Variants in SUCLA2 observed in about 807,000 individuals in gnomAD.
SUCLA2 encodes succinate--CoA ligase [ADP-forming] subunit beta, mitochondrial.
In SUCLA2, 30 loss-of-function variants were observed where a neutral mutation model predicts 54.8. That is an observed-to-expected ratio of 0.55 (90% confidence interval 0.41 to 0.74). The LOEUF (loss-of-function observed/expected upper bound fraction) is 0.74, where lower values mean the gene tolerates loss of function less well. Ranked by LOEUF, SUCLA2 falls within the 30% of genes least tolerant of loss-of-function variation. SUCLA2 has a pLI of 0.00. For missense variants in SUCLA2, 476 were observed against 562.9 expected (o/e 0.85, Z 1.56); for synonymous variants, 172 against 188.9 (o/e 0.91, Z 0.74).
rs1950229321 is a variant in SUCLA2 at position 48,001,229 on chromosome 13, G to A, written c.41C>T (p.Ala14Val). The change falls in exon 1 of 11, where the codon GCC (alanine) becomes GTC (valine). Residue 14 changes from alanine to valine, a missense_variant. This residue lies in a region of SUCLA2 where 134 missense variants were observed against 118.7 expected (regional missense o/e 1.13). Transcript: ENST00000646932. ...CCGAGGCCGGTGGTTCCGAAGGGTGGCCACGGCCACTAGCCTGCCGTAGAA... is the reference window on the plus strand; with the variant it reads ...CCGAGGCCGGTGGTTCCGAAGGGTGACCACGGCCACTAGCCTGCCGTAGAA... ...SMFYGRLVAV[A>V]TLRNHRPRTA... The A allele has an allele frequency of 1.2e-6, 2 of 1,606,738 alleles. No individual in the cohort carries two copies. The highest frequency in any genetic ancestry group is 1.7e-6 in the Non-Finnish European group (2 of 1,177,734).
intron 8 of SUCLA2, among the ~76,000 whole-genome samples, chr13:47,951,102 T>C (rs1949771722): frequency 6.6e-6 from 1 of 152,128 alleles, no homozygotes; most frequent in African/African-American, 2.4e-5. Flanking sequence ...TTCTTGGATC[T>C]TTACTCTACC....
intron 10 of SUCLA2, 78 bp from the exon 11 acceptor site, chr13:47,943,523 A>C: frequency 6.1e-6 from 8 of 1,309,908 alleles, no homozygotes; most frequent in South Asian, 1.2e-5. Context: ...ATGTACACTC[A>C]ATTTTTTCCA....
At chr13:47,987,539 C>A (rs922784337) in intron 4 of SUCLA2, 10 of 151,926 alleles carry the variant, frequency 6.6e-5, no homozygotes, top group Admixed American at 5.2e-4. Context: ...TAAAACAATG[C>A]TTCTTAATTT....
At chr13:47,998,808 T>G (rs544352117) in intron 1 of SUCLA2, among the ~76,000 whole-genome samples, 2 of 152,354 alleles carry the variant, frequency 1.3e-5, no homozygotes, top group South Asian at 4.1e-4. Flanking sequence ...TATATCTTGA[T>G]GCAGACGATG....
At chr13:47,953,367 G>A (rs1037168280) in intron 8 of SUCLA2, among the ~76,000 whole-genome samples, 5 of 152,050 alleles carry the variant, frequency 3.3e-5, no homozygotes, top group Middle Eastern at 3.2e-3. Flanking sequence ...TCTGCTTCTC[G>A]AGTTTGTCAA....
chr13:47,988,763 C>T lies in SUCLA2; in HGVS notation c.372-60G>A, dbSNP rs377104958. On this transcript the variant is annotated intron_variant, in intron 3 of 10. Transcript: ENST00000646932. ...CTCCAGTTGAGAAAAAGCAAATCCACATAATAGCCAAAATTTTATCTCATC... is the reference window on the plus strand; with the variant it reads ...CTCCAGTTGAGAAAAAGCAAATCCATATAATAGCCAAAATTTTATCTCATC... 3.3e-5 allele frequency: 53 copies of T among 1,604,674 alleles called. No individual in the cohort carries two copies. In the African/African-American group the frequency reaches 5.8e-4, roughly 17 times the overall value.
chr13:47,998,679 C>T (rs1950207532), intron 1 of SUCLA2, among the ~76,000 whole-genome samples: 1 of 152,100 alleles, frequency 6.6e-6, no homozygotes, highest in Non-Finnish European at 1.5e-5. Flanking sequence ...ATTTTTATAG[C>T]GTTCAAAACC....
chr13:47,975,567 T>A (rs955379808), intron 4 of SUCLA2, among the ~76,000 whole-genome samples: 18 of 141,044 alleles, frequency 1.3e-4, no homozygotes, highest in Non-Finnish European at 2.6e-4. Context: ...GTCCTTCAAA[T>A]ACTTAAAATA....
chr13:47,989,583 C>T (rs1950134695), intron 2 of SUCLA2, among the ~76,000 whole-genome samples: 2 of 152,154 alleles, frequency 1.3e-5, no homozygotes, highest in South Asian at 4.1e-4. Flanking sequence ...TTAACCATTT[C>T]TTGACACTTT....
chr13:47,949,378 T>C (rs1949759065), intron 9 of SUCLA2, 105 bp downstream of exon 9: 1 of 1,335,570 alleles, frequency 7.5e-7, no homozygotes, highest in South Asian at 1.2e-5. Context: ...TATAATGCTT[T>C]CAAAGACACA....
At chr13:47,976,055 T>G (rs945591639) in intron 4 of SUCLA2, among the ~76,000 whole-genome samples, 2 of 152,154 alleles carry the variant, frequency 1.3e-5, no homozygotes, top group Non-Finnish European at 2.9e-5. Flanking sequence ...GAGACCAGCC[T>G]GGGCAACATA....
chr13:47,989,473 AGT>A (rs1950133800), intron 2 of SUCLA2, among the ~76,000 whole-genome samples: 3 of 149,290 alleles, frequency 2.0e-5, no homozygotes, highest in African/African-American at 7.7e-5. Context: ...GGCCTCCCAA[AGT>A]GCTGGGATTA....
At chr13:47,950,792 G>A (rs905567294) in intron 8 of SUCLA2, among the ~76,000 whole-genome samples, 1 of 152,134 alleles carries the variant, frequency 6.6e-6, no homozygotes, top group African/African-American at 2.4e-5. Context: ...TGGGGCAGCA[G>A]GAGCCTCAGG....
intron 2 of SUCLA2, among the ~76,000 whole-genome samples, chr13:47,994,210 C>T (rs760341522): frequency 6.6e-6 from 1 of 151,910 alleles, no homozygotes; most frequent in Non-Finnish European, 1.5e-5. Context: ...TCTAAGGTCC[C>T]TCATTCTACA....
intron 6 of SUCLA2, among the ~76,000 whole-genome samples, chr13:47,964,333 T>C (rs1381218524): frequency 6.6e-6 from 1 of 152,142 alleles, no homozygotes; most frequent in Non-Finnish European, 1.5e-5. Context: ...TGGTAGACAA[T>C]GTGAATGCAA....
chr13:47,983,389 A>AATTAT (rs1662600393), intron 4 of SUCLA2, among the ~76,000 whole-genome samples: 1 of 151,992 alleles, frequency 6.6e-6, no homozygotes, highest in Admixed American at 6.6e-5. Context: ...AATATAGACA[A>AATTAT]ATCTACAGAT....
At chr13:47,972,097 A>C in intron 5 of SUCLA2, 2 of 363,972 alleles carry the variant, frequency 5.5e-6, no homozygotes, top group Non-Finnish European at 4.9e-6. Context: ...CTAAAACAAA[A>C]TACAAAAATT....
chr13:47,955,026 C>T (rs541672807), intron 6 of SUCLA2, among the ~76,000 whole-genome samples: 1 of 151,980 alleles, frequency 6.6e-6, no homozygotes, highest in South Asian at 2.1e-4. Flanking sequence ...TATTTCCTCA[C>T]CTTAATAAAA....
intron 1 of SUCLA2, chr13:48,000,887 C>A: frequency 7.8e-7 from 1 of 1,284,846 alleles, no homozygotes; most frequent in Non-Finnish European, 9.9e-7. Flanking sequence ...CTGACCCCCT[C>A]ACCTCCACTC....
Sources: allele counts gnomAD v4.1 joint callset (sites outside exome capture counted in the v4.1 genomes callset), GRCh38; gene constraint gnomAD v4.1.1; regional missense constraint gnomAD v4.1.1; transcripts MANE v1.5; gene names NCBI Gene and HGNC (gene_info 2026-07-23, HGNC 2026-07-21).